Variants in ARFGEF3 observed in about 807,000 individuals in gnomAD.
ARFGEF3 encodes brefeldin A-inhibited guanine nucleotide-exchange protein 3.
Under a neutral mutation model 221.7 loss-of-function variants are expected in ARFGEF3, and 96 were observed. The ratio of observed to expected loss-of-function variants is 0.43; its 90% confidence interval spans 0.37 to 0.51. The LOEUF (loss-of-function observed/expected upper bound fraction) is 0.51. ARFGEF3 is among the 20% of genes least tolerant of loss of function. The probability of loss-of-function intolerance (pLI) is 0.00; values close to 1 mark genes in which losing one functional copy is unlikely to be tolerated. For synonymous variants in ARFGEF3, 1,145 were observed against 1,126.8 expected (o/e 1.02, Z -0.32); for missense variants, 2,410 against 2,789.9 (o/e 0.86, Z 3.07).
intron 8 of ARFGEF3, among the ~76,000 whole-genome samples, chr6:138,248,212 G>A (rs1034792489): frequency 2.0e-5 from 3 of 152,262 alleles, no homozygotes; most frequent in East Asian, 3.9e-4. Context: ...TAAAAAAGAA[G>A]ACCTCTGTTC....
intron 12 of ARFGEF3, among the ~76,000 whole-genome samples, chr6:138,271,223 A>T (rs1249256139): frequency 6.6e-6 from 1 of 152,194 alleles, no homozygotes; most frequent in Non-Finnish European, 1.5e-5. Context: ...ACCACACAAG[A>T]TATCACTCCT....
In ARFGEF3 at chr6:138,298,872, C is replaced by A. The variant is rs112542684; in HGVS notation, c.3828+87C>A. ...GTTCTATGAGCTTCGCACACTTACT[C>A]TTTCCAATAATCCTATGTGGAATCT... On this transcript the variant is annotated intron_variant, in intron 22 of 33. Coordinates refer to ENST00000251691, the MANE Select transcript of ARFGEF3 (RefSeq NM_020340.5). 125 of 979,196 alleles carry A rather than the reference C, an allele frequency of 1.3e-4. 2 individuals are homozygous for A. In the African/African-American group the frequency reaches 1.6e-3, roughly 12 times the overall value. 60.7% of individuals were successfully genotyped at this position (979,196 alleles called of 1,614,324 possible).
intron 5 of ARFGEF3, 43 bp from the exon 6 acceptor site, chr6:138,238,466 G>C (rs1480033457): frequency 6.3e-7 from 1 of 1,591,614 alleles, no homozygotes; most frequent in Non-Finnish European, 8.6e-7. Flanking sequence ...GTAATAAGCT[G>C]ATACCTGCAG....
chr6:138,165,275 G>GATTTAGACCCTCATA (rs1776702446), intron 1 of ARFGEF3, among the ~76,000 whole-genome samples: 1 of 151,658 alleles, frequency 6.6e-6, no homozygotes, highest in African/African-American at 2.4e-5. Context: ...CCTCATGGGA[G>GATTTAGACCCTCATA]AGAGATCATC....
chr6:138,239,826 A>G (rs558315889), intron 6 of ARFGEF3, among the ~76,000 whole-genome samples: 1 of 152,230 alleles, frequency 6.6e-6, no homozygotes, highest in African/African-American at 2.4e-5. Context: ...CTTAGAGATG[A>G]TCTAGTCAAA....
rs1018730097 is a variant in ARFGEF3 at position 138,310,628 on chromosome 6, C to T, written c.4097-779C>T. On this transcript the variant is annotated intron_variant, in intron 24 of 33. Coordinates refer to ENST00000251691, the MANE Select transcript of ARFGEF3 (RefSeq NM_020340.5). ...TGCCTAGTAATTAGGTCTGTTTACT[C>T]ACATGGGAGGGTTCTAGCTCTTACA... 1.6e-4 allele frequency among the ~76,000 whole-genome samples: 24 copies of T among 152,128 alleles called. 1 individual carries two copies. Among genetic ancestry groups the T allele is most frequent in the Non-Finnish European group, 7.4e-5 (5 of 68,026 alleles).
At chr6:138,173,665 A>C (rs1165770194) in intron 2 of ARFGEF3, among the ~76,000 whole-genome samples, 1 of 152,130 alleles carries the variant, frequency 6.6e-6, no homozygotes, top group Non-Finnish European at 1.5e-5. Flanking sequence ...TATGGTTTCA[A>C]TGTGTCCAAG....
At chr6:138,174,944 A>G (rs948581167) in intron 2 of ARFGEF3, among the ~76,000 whole-genome samples, 2 of 152,146 alleles carry the variant, frequency 1.3e-5, no homozygotes, top group African/African-American at 2.4e-5. Context: ...CCTATGTTGT[A>G]TTATTTTTCC....
In ARFGEF3 at chr6:138,340,598, C is replaced by A. The variant is rs1278300395; in HGVS notation, c.*4112C>A. On this transcript the variant is annotated 3_prime_UTR_variant, in exon 34 of 34. Coordinates refer to ENST00000251691, the MANE Select transcript of ARFGEF3 (RefSeq NM_020340.5). ...TAGTGAATGTCACTGTGATTGCAAA[C>A]CCTTACCTGTATTATCACACGTAGT... 2 of 152,104 alleles carry A rather than the reference C, an allele frequency of 1.3e-5. No individual in the cohort carries two copies. Among genetic ancestry groups the A allele is most frequent in the South Asian group, 4.1e-4 (2 of 4,828 alleles). 9.4% of individuals were successfully genotyped at this position (152,104 alleles called of 1,614,324 possible).
At chr6:138,270,606 A>G in intron 12 of ARFGEF3, among the ~76,000 whole-genome samples, 1 of 152,240 alleles carries the variant, frequency 6.6e-6, no homozygotes, top group East Asian at 1.9e-4. Flanking sequence ...GATAAACAGT[A>G]GTACTTACTT....
At chr6:138,281,941 G>T (rs560871757) in intron 14 of ARFGEF3, among the ~76,000 whole-genome samples, 4 of 152,006 alleles carry the variant, frequency 2.6e-5, no homozygotes, top group Admixed American at 6.6e-5. Flanking sequence ...TTTTTGTTTG[G>T]TTGGTTGGTT....
rs1317856418 is a variant in ARFGEF3, at chr6:138,334,648, C to T, written c.5802C>T (p.Gly1934=). 7.4e-6 allele frequency: 12 copies of T among 1,613,410 alleles called. No homozygotes were observed. Among genetic ancestry groups the T allele is most frequent in the South Asian group, 1.1e-5 (1 of 91,068 alleles). The change falls in exon 33 of 34, where the codon GGC becomes GGT. Residue 1934 remains glycine (G), a synonymous_variant. Coordinates refer to ENST00000251691, the MANE Select transcript of ARFGEF3 (RefSeq NM_020340.5). The surrounding 1 kb of genome is among the most constrained non-coding windows in gnomAD (Gnocchi z 5.1). ...TGGAGGAGCCTCCCATCTTCAAGGG[C>T]GACCCGTTCTTCATCCTGCCCTCCT... The part of the protein sequence containing the change: ...NCMEEPPIFK[G]DPFFILPSFQ...
chr6:138,182,456 A>C (rs2114450773), intron 2 of ARFGEF3, among the ~76,000 whole-genome samples: 1 of 152,334 alleles, frequency 6.6e-6, no homozygotes, highest in Non-Finnish European at 1.5e-5. Flanking sequence ...CCTTGTATCA[A>C]AACAGCTTCA....
intron 5 of ARFGEF3, among the ~76,000 whole-genome samples, chr6:138,231,326 ACAG>A (rs775259234): frequency 1.1e-4 from 16 of 152,066 alleles, no homozygotes; most frequent in Non-Finnish European, 2.1e-4. Flanking sequence ...AACAACAACA[ACAG>A]ATCATAGCCA....
Position 138,342,898 on chromosome 6 carries a change from A to G in ARFGEF3, c.*6412A>G, listed in dbSNP as rs936693069. On this transcript the variant is annotated 3_prime_UTR_variant, in exon 34 of 34. Transcript: ENST00000251691. ...TGTAAAGAGTCTACCCAAAGGCTTC[A>G]CGGAAATTTGCAAAATGAACTAATT... The G allele has an allele frequency of 3.3e-5, 5 of 152,264 alleles. No individual in the cohort carries two copies. Among genetic ancestry groups the G allele is most frequent in the African/African-American group, 1.2e-4 (5 of 41,478 alleles). 9.4% of individuals were successfully genotyped at this position (152,264 alleles called of 1,614,324 possible).
intron 2 of ARFGEF3, among the ~76,000 whole-genome samples, chr6:138,186,744 C>T (rs567479741): frequency 1.9e-3 from 283 of 152,118 alleles, no homozygotes; most frequent in African/African-American, 6.4e-3. Context: ...ATCCCCGTCC[C>T]GCAAGCAAAA....
chr6:138,210,918 G>A (rs1016582405), intron 4 of ARFGEF3, among the ~76,000 whole-genome samples: 1 of 152,208 alleles, frequency 6.6e-6, no homozygotes, highest in East Asian at 1.9e-4. Flanking sequence ...CTGCAGTCAT[G>A]ACATTCTCTT....
At position 138,164,044 on chromosome 6, in the gene ARFGEF3, G is replaced by A. The variant is rs149306144; in HGVS notation, c.85+1873G>A. Among the ~76,000 whole-genome samples the A allele has an allele frequency of 2.8e-4, 42 of 152,220 alleles. No homozygotes were observed. The East Asian group carries it at 7.1e-3, about 26-fold the overall frequency. ...GGAAACATTTATTAAGACCTCCCTG[G>A]TAATGAGCAATGGGATATATGGATG... On this transcript the variant is annotated intron_variant, in intron 1 of 33. Coordinates refer to ENST00000251691, the MANE Select transcript of ARFGEF3 (RefSeq NM_020340.5).
chr6:138,214,743 CA>C (rs1777802996), intron 4 of ARFGEF3, among the ~76,000 whole-genome samples: 1 of 151,994 alleles, frequency 6.6e-6, no homozygotes, highest in African/African-American at 2.4e-5. Context: ...TCCAATATTC[CA>C]AGGATAGTAT....
Sources: allele counts gnomAD v4.1 joint callset (sites outside exome capture counted in the v4.1 genomes callset), GRCh38; gene constraint gnomAD v4.1.1; non-coding constraint Gnocchi (gnomAD v3.1); transcripts MANE v1.5; gene names NCBI Gene and HGNC (gene_info 2026-07-23, HGNC 2026-07-21).